RSPO3: variants seen among roughly 807,000 people sequenced by gnomAD.
RSPO3 encodes the protein R-spondin-3.
RSPO3 carries 17 observed loss-of-function variants against 36.5 expected under a neutral mutation model. The observed-to-expected ratio is 0.47, with a 90% CI of 0.32 to 0.70. The LOEUF is 0.70. Among genes scored for constraint, RSPO3 ranks in the 30% least tolerant of loss-of-function variants. The pLI is 0.04. For synonymous variants in RSPO3, 108 were observed against 107.0 expected, an observed-to-expected ratio of 1.01 and a Z score of -0.06; for missense variants, 294 against 322.5, an observed-to-expected ratio of 0.91 and a Z score of 0.68.
In RSPO3 at chr6:127,119,263, C is replaced by G. The variant is rs914826916; in HGVS notation, c.71C>G (p.Ala24Gly). The change falls in exon 1 of 5, where the codon GCC becomes GGC. Residue 24 changes from alanine to glycine, a missense_variant. By Grantham distance (60) the Ala-to-Gly change is moderately conservative (BLOSUM62 0). Coordinates refer to ENST00000356698, the MANE Select transcript of RSPO3 (RefSeq NM_032784.5). ...NFMEYIGSQN[A>G]SRGRRQRRMH... Reference sequence around the variant, plus strand: ...ATGGAATACATCGGCAGCCAAAACGCCTCCCGGGGAAGGCGCCAGCGAAGA... The same window carrying G: ...ATGGAATACATCGGCAGCCAAAACGGCTCCCGGGGAAGGCGCCAGCGAAGA... 1.2e-6 allele frequency: 2 copies of G among 1,612,772 alleles called. No individual in the cohort carries two copies. The highest frequency in any genetic ancestry group is 2.7e-5 in the African/African-American group (2 of 74,934).
chr6:127,154,197 A>T (rs541154306), intron 3 of RSPO3, among the ~76,000 whole-genome samples: 10 of 152,182 alleles, frequency 6.6e-5, no homozygotes, highest in Non-Finnish European at 1.5e-4. Flanking sequence ...GAATCATTAA[A>T]TCAGAAGGCA....
intron 1 of RSPO3, among the ~76,000 whole-genome samples, chr6:127,138,755 A>C (rs1774210471): frequency 6.6e-6 from 1 of 152,220 alleles, no homozygotes; most frequent in African/African-American, 2.4e-5. Context: ...TCATTTACAC[A>C]GATAATTGGT....
chr6:127,164,590 A>C (rs1035748886), intron 4 of RSPO3, among the ~76,000 whole-genome samples: 1 of 152,006 alleles, frequency 6.6e-6, no homozygotes, highest in Non-Finnish European at 1.5e-5. Flanking sequence ...ATAATCTACT[A>C]TGCATATGAA....
At position 127,197,810 on chromosome 6, in the gene RSPO3, A is replaced by G. The variant is rs775276808; in HGVS notation, c.*1803A>G. 4 of 298,512 alleles carry G rather than the reference A, an allele frequency of 1.3e-5. No homozygotes were observed. The highest frequency in any genetic ancestry group is 2.5e-5 in the Non-Finnish European group (4 of 160,428). 18.5% of individuals were successfully genotyped at this position (298,512 alleles called of 1,614,324 possible). ...GTGTTTCTTTCCTTGTCCCTATGAG[A>G]TAAGTGTCTCAACTCACTAAATCTA... On this transcript the variant is annotated 3_prime_UTR_variant, in exon 5 of 5. Transcript: ENST00000356698.
intron 4 of RSPO3, among the ~76,000 whole-genome samples, chr6:127,167,067 T>A (rs1300265234): frequency 1.3e-5 from 2 of 152,058 alleles, no homozygotes; most frequent in Non-Finnish European, 2.9e-5. Flanking sequence ...AACTTGACTA[T>A]AATGTGTTTT....
chr6:127,159,644 CTTTT>C (rs869033594), intron 4 of RSPO3, among the ~76,000 whole-genome samples: 1 of 123,278 alleles, frequency 8.1e-6, no homozygotes, highest in Non-Finnish European at 1.7e-5. Context: ...ATACATTCTC[CTTTT>C]TTTTTTTTTT....
At chr6:127,129,856 C>T (rs1384766004) in intron 1 of RSPO3, among the ~76,000 whole-genome samples, 1 of 151,902 alleles carries the variant, frequency 6.6e-6, no homozygotes, top group Non-Finnish European at 1.5e-5. Flanking sequence ...AGTCTAAGTT[C>T]ATAAAAGAAG....
intron 1 of RSPO3, among the ~76,000 whole-genome samples, chr6:127,148,205 C>T (rs964720413): frequency 2.6e-5 from 4 of 152,106 alleles, no homozygotes; most frequent in African/African-American, 9.6e-5. Context: ...TCCTCCATTA[C>T]ATAAATGAAA....
chr6:127,164,501 A>C (rs1774774642), intron 4 of RSPO3, among the ~76,000 whole-genome samples: 1 of 152,078 alleles, frequency 6.6e-6, no homozygotes, highest in African/African-American at 2.4e-5. Context: ...AGAATATTTT[A>C]ACTATTTTTT....
chr6:127,171,657 T>G (rs1396392251), intron 4 of RSPO3, among the ~76,000 whole-genome samples: 1 of 151,800 alleles, frequency 6.6e-6, no homozygotes, highest in African/African-American at 2.4e-5. Context: ...CTTCCTCTTA[T>G]TTGTCCCATC....
intron 1 of RSPO3, among the ~76,000 whole-genome samples, chr6:127,127,740 G>C (rs892260724): frequency 6.6e-6 from 1 of 151,906 alleles, no homozygotes; most frequent in African/African-American, 2.4e-5. Context: ...ATTAGGGTTG[G>C]TACTTGAGGC....
At chr6:127,162,989 G>T (rs1232453444) in intron 4 of RSPO3, among the ~76,000 whole-genome samples, 1 of 152,082 alleles carries the variant, frequency 6.6e-6, no homozygotes, top group Non-Finnish European at 1.5e-5. Context: ...GCTTGTGGTT[G>T]TGGAACAATG....
intron 3 of RSPO3, among the ~76,000 whole-genome samples, chr6:127,154,545 G>A (rs553177825): frequency 5.3e-5 from 8 of 152,234 alleles, no homozygotes; most frequent in East Asian, 3.9e-4. Context: ...AATAGATGCC[G>A]CTATGCCTGA....
chr6:127,179,259 T>C (rs2114629472), intron 4 of RSPO3, among the ~76,000 whole-genome samples: 1 of 151,918 alleles, frequency 6.6e-6, no homozygotes, highest in Admixed American at 6.6e-5. Context: ...ATAATTAGAT[T>C]GAGAGTAGAG....
intron 1 of RSPO3, among the ~76,000 whole-genome samples, chr6:127,133,421 A>AT (rs1415437847): frequency 6.6e-6 from 1 of 152,094 alleles, no homozygotes; most frequent in Non-Finnish European, 1.5e-5. Context: ...AGGGACATTG[A>AT]TTTTAATTTA....
intron 1 of RSPO3, among the ~76,000 whole-genome samples, chr6:127,132,206 C>T (rs556334765): frequency 1.3e-5 from 2 of 152,008 alleles, no homozygotes; most frequent in East Asian, 1.9e-4. Flanking sequence ...ATCTTTTCCA[C>T]TAGAGATTAA....
chr6:127,153,333 C>CT (rs536926125), intron 3 of RSPO3, among the ~76,000 whole-genome samples: 26 of 148,110 alleles, frequency 1.8e-4, no homozygotes, highest in South Asian at 8.6e-4. Context: ...GTCTTTAGCA[C>CT]TTTTTTTTTT....
chr6:127,159,712 G>A (rs550335180), intron 4 of RSPO3, among the ~76,000 whole-genome samples: 10 of 146,098 alleles, frequency 6.8e-5, no homozygotes, highest in Admixed American at 2.1e-4. Context: ...GCAGTGGCGC[G>A]ATCTCGGCTC....
intron 4 of RSPO3, among the ~76,000 whole-genome samples, chr6:127,174,576 G>A (rs995600293): frequency 6.6e-6 from 1 of 151,764 alleles, no homozygotes; most frequent in Non-Finnish European, 1.5e-5. Context: ...GGGAAGATGA[G>A]GACTATAATT....
Sources: gnomAD v4.1 joint callset for allele counts (sites outside exome capture counted in the v4.1 genomes callset) on GRCh38, gnomAD v4.1.1 for gene constraint, MANE v1.5 for transcripts, NCBI Gene and HGNC (gene_info 2026-07-23, HGNC 2026-07-21) for gene names.